Variants in KNL1 observed in about 807,000 individuals in gnomAD.
KNL1 encodes the protein outer kinetochore KNL1 complex subunit KNL1.
In KNL1, 66 loss-of-function variants were observed where a neutral mutation model predicts 201.3. The observed-to-expected ratio is 0.33, with a 90% CI of 0.27 to 0.40. KNL1 has a LOEUF of 0.40. Among genes scored for constraint, KNL1 ranks in the 10% least tolerant of loss-of-function variants. KNL1 has a pLI of 1.00. For missense variants in KNL1, 2,815 were observed against 2,690.5 expected (o/e 1.05, Z -1.02); for synonymous variants, 895 against 899.2 (o/e 1.00, Z 0.08).
chr15:40,622,886 C>T lies in KNL1; in HGVS notation c.2622C>T (p.Ile874=). 1.2e-6 allele frequency: 2 copies of T among 1,612,224 alleles called. No homozygotes were observed. The highest frequency in any genetic ancestry group is 1.1e-5 in the South Asian group (1 of 91,008). The part of the protein sequence containing the change: ...FSEDDKNDMD[I]TKSYTIEINH... The stretch of plus-strand genomic sequence containing the variant: ...AAGACGATAAGAATGATATGGATAT[C>T]ACTAAGAGTTATACAATAGAAATAA... The change falls in exon 10 of 26, where the codon ATC becomes ATT. Residue 874 remains isoleucine, a synonymous_variant. Coordinates refer to ENST00000399668, the MANE Select transcript of KNL1 (RefSeq NM_144508.5).
intron 13 of KNL1, among the ~76,000 whole-genome samples, chr15:40,630,681 C>A (rs1293609774): frequency 6.6e-6 from 1 of 152,196 alleles, no homozygotes; most frequent in Non-Finnish European, 1.5e-5. Context: ...TTATGAGAAT[C>A]TAATGCATGA....
chr15:40,625,856 C>CA (rs201248322), intron 10 of KNL1: 104 of 445,410 alleles, frequency 2.3e-4, no homozygotes, highest in Middle Eastern at 6.1e-4. Flanking sequence ...CAAATAGTCA[C>CA]AAAAAAATTA....
Position 40,662,079 on chromosome 15 carries a change from A to G in KNL1, c.6842A>G (p.Asp2281Gly), listed in dbSNP as rs780319970. Residue 2281 changes from aspartate to glycine, a missense_variant, in exon 26 of 26, where the codon GAT (aspartate) becomes GGT (glycine). Coordinates refer to ENST00000399668, the MANE Select transcript of KNL1 (RefSeq NM_144508.5). ...IQNHVGNTSQ[D>G]DIATILSKVP... ...TTAACCTTTGTTCTTTCCAGCCAAG[A>G]TGATATTGCTACCATTCTATCTAAA... 10 of 1,574,682 alleles carry G rather than the reference A, an allele frequency of 6.4e-6. No individual in the cohort carries two copies. The highest frequency in any genetic ancestry group is 1.1e-5 in the South Asian group (1 of 90,226).
Position 40,622,163 on chromosome 15 carries a change from C to T in KNL1, c.1899C>T (p.Ser633=). Residue 633 remains serine, a synonymous_variant, in exon 10 of 26, where the codon AGC becomes AGT. Transcript: ENST00000399668. ...FQRSDIIAKN[S]LTDTWNKDKD... ...GATCAGACATAATAGCCAAAAACAG[C>T]TTAACCGACACCTGGAACAAAGACA... 6 of 1,614,124 alleles carry T rather than the reference C, an allele frequency of 3.7e-6. No individual in the cohort carries two copies. Among genetic ancestry groups the T allele is most frequent in the Non-Finnish European group, 5.1e-6 (6 of 1,179,994 alleles).
intron 1 of KNL1, among the ~76,000 whole-genome samples, chr15:40,598,959 A>C (rs751648295): frequency 4.2e-4 from 64 of 151,826 alleles, no homozygotes; most frequent in Admixed American, 1.1e-3. Context: ...ATGTGCTACC[A>C]TACCTGGTTA....
At chr15:40,600,482 A>G (rs552511385) in intron 1 of KNL1, among the ~76,000 whole-genome samples, 5 of 152,318 alleles carry the variant, frequency 3.3e-5, no homozygotes, top group African/African-American at 9.6e-5. Flanking sequence ...TTGATCTCCC[A>G]TGGTGGGAAG....
chr15:40,655,333 C>T (rs1397597917), intron 22 of KNL1, among the ~76,000 whole-genome samples: 1 of 151,968 alleles, frequency 6.6e-6, no homozygotes, highest in Non-Finnish European at 1.5e-5. Flanking sequence ...GTGGCTCATG[C>T]TTGTAATCCC....
At chr15:40,653,183 A>ATTTATT (rs1452565439) in intron 21 of KNL1, among the ~76,000 whole-genome samples, 2 of 151,754 alleles carry the variant, frequency 1.3e-5, no homozygotes, top group East Asian at 1.9e-4. Context: ...GTTTTTATTT[A>ATTTATT]TTTATTTTTA....
chr15:40,621,227 G>C lies in KNL1; in HGVS notation c.963G>C (p.Leu321Phe). 6.2e-7 allele frequency: 1 copy of C among 1,612,694 alleles called. No homozygotes were observed. The highest frequency in any genetic ancestry group is 1.7e-5 in the Admixed American group (1 of 59,680). Residue 321 changes from leucine to phenylalanine, a missense_variant, in exon 10 of 26, where the codon TTG becomes TTC. This residue lies in a region of KNL1 where 2,464 missense variants were observed against 2,291.7 expected (regional missense o/e 1.08). Coordinates refer to ENST00000399668, the MANE Select transcript of KNL1 (RefSeq NM_144508.5). ...TTTATGGCAATGACTTTATGGACTT[G>C]ACATTTAACCACACTTTGCAGATCT... is the stretch of plus-strand genomic sequence containing the variant. ...ITIYGNDFMD[L>F]TFNHTLQILP...
rs543816414 is a variant in KNL1 at position 40,629,590 on chromosome 15, G to C, written c.5682+219G>C. The stretch of plus-strand genomic sequence containing the variant: ...GCCATCTCAGCTCACTGCAACCTCT[G>C]CCTCCTGGGTTCAAGTGATTCTCTT... On this transcript the variant is annotated intron_variant, in intron 13 of 25. Coordinates refer to ENST00000399668, the MANE Select transcript of KNL1 (RefSeq NM_144508.5). Among the ~76,000 whole-genome samples, 8 of 134,972 alleles carry C rather than the reference G, an allele frequency of 5.9e-5. No homozygotes were observed. In the East Asian group the frequency reaches 1.8e-3, roughly 31 times the overall value. 88.5% of individuals were successfully genotyped at this position (134,972 alleles called of 152,430 possible). A position where few individuals can be genotyped will look rare whatever the true frequency, so the allele number is the denominator to read the frequency against.
chr15:40,629,810 C>A (rs539603598), intron 13 of KNL1, among the ~76,000 whole-genome samples: 2 of 151,856 alleles, frequency 1.3e-5, no homozygotes, highest in Non-Finnish European at 2.9e-5. Flanking sequence ...CGAGAGTTTT[C>A]TTATAGTAGA....
chr15:40,599,475 C>T (rs1891719421), intron 1 of KNL1, among the ~76,000 whole-genome samples: 3 of 150,030 alleles, frequency 2.0e-5, no homozygotes, highest in South Asian at 4.3e-4. Context: ...CCTCTGCCTC[C>T]CAGGGTCAAG....
At chr15:40,658,939 A>AACAG (rs1555423580) in intron 24 of KNL1, among the ~76,000 whole-genome samples, 2 of 148,104 alleles carry the variant, frequency 1.4e-5, no homozygotes, top group African/African-American at 5.0e-5. Flanking sequence ...CAAAAAAAAA[A>AACAG]AAAGAAAAAG....
intron 21 of KNL1, among the ~76,000 whole-genome samples, chr15:40,653,022 T>C (rs1252732107): frequency 2.0e-5 from 3 of 152,126 alleles, no homozygotes; most frequent in African/African-American, 7.2e-5. Context: ...TCACAATCTC[T>C]GGGCCTCTAA....
intron 14 of KNL1, among the ~76,000 whole-genome samples, chr15:40,641,525 A>G (rs768000764): frequency 6.6e-6 from 1 of 152,224 alleles, no homozygotes; most frequent in East Asian, 1.9e-4. Flanking sequence ...TTTAGCCACC[A>G]ACATGATGCA....
Position 40,621,254 on chromosome 15 carries a change from A to G in KNL1, c.990A>G (p.Leu330=). Residue 330 remains leucine (L), a synonymous_variant, in exon 10 of 26, where the codon TTA becomes TTG. Coordinates refer to ENST00000399668, the MANE Select transcript of KNL1 (RefSeq NM_144508.5). ...DLTFNHTLQI[L]PATGNFSEIE... ...CATTTAACCACACTTTGCAGATCTT[A>G]CCTGCAACAGGTAATTTTTCTGAAA... 1 of 1,613,970 alleles carries G rather than the reference A, an allele frequency of 6.2e-7. No homozygotes were observed. The highest frequency in any genetic ancestry group is 8.5e-7 in the Non-Finnish European group (1 of 1,179,932).
intron 21 of KNL1, among the ~76,000 whole-genome samples, chr15:40,653,945 C>T (rs1427710313): frequency 6.6e-6 from 1 of 152,112 alleles, no homozygotes; most frequent in Non-Finnish European, 1.5e-5. Context: ...AGTTTCTCAC[C>T]CTTCTGTTGT....
At chr15:40,649,517 A>G (rs967101342) in intron 17 of KNL1, among the ~76,000 whole-genome samples, 1 of 150,246 alleles carries the variant, frequency 6.7e-6, no homozygotes, top group African/African-American at 2.5e-5. Context: ...GCTGGTCTCA[A>G]CTCCTGGCCT....
intron 24 of KNL1, among the ~76,000 whole-genome samples, chr15:40,658,812 C>G (rs1243730354): frequency 1.3e-5 from 2 of 151,074 alleles, no homozygotes; most frequent in African/African-American, 4.9e-5. Context: ...CACCTGTAGT[C>G]CCAGCTAATC....
Sources: gnomAD v4.1 joint callset for allele counts (sites outside exome capture counted in the v4.1 genomes callset) on GRCh38, gnomAD v4.1.1 for gene constraint, gnomAD v4.1.1 regional missense constraint, MANE v1.5 for transcripts, NCBI Gene and HGNC (gene_info 2026-07-23, HGNC 2026-07-21) for gene names.